The following TTC27 variants were observed in gnomAD, a reference collection of about 807,000 sequenced individuals.
TTC27 encodes tetratricopeptide repeat domain 27.
Under a neutral mutation model 115.9 loss-of-function variants are expected in TTC27, and 79 were observed. That is an observed-to-expected ratio of 0.68 (90% CI 0.57 to 0.82). The LOEUF is 0.82. Among genes scored for constraint, TTC27 ranks in the 40% least tolerant of loss-of-function variants. TTC27 has a pLI of 0.00. For synonymous variants in TTC27, 401 were observed against 356.0 expected (o/e 1.13, Z -1.42); for missense variants, 1,054 against 993.1 (o/e 1.06, Z -0.82).
intron 9 of TTC27, among the ~76,000 whole-genome samples, chr2:32,697,177 G>C (rs1047866055): frequency 7.1e-6 from 1 of 140,662 alleles, no homozygotes; most frequent in Non-Finnish European, 1.6e-5. Context: ...GGGCAATAGA[G>C]TGAGACCCTG....
chr2:32,702,870 C>T lies in TTC27; in HGVS notation c.1183C>T (p.Leu395Phe), dbSNP rs535235861. 2.8e-5 allele frequency: 45 copies of T among 1,614,096 alleles called. No homozygotes were observed. The South Asian group carries it at 4.7e-4, about 17-fold the overall frequency. The change falls in exon 10 of 20, where the codon CTT (leucine) becomes TTT (phenylalanine). Residue 395 changes from leucine to phenylalanine, a missense_variant. By Grantham distance (22) the Leu-to-Phe change is conservative. Transcript: ENST00000317907. ...QTSALILRTK[L>F]EKGSTRRVER... ...ATCAGCCTTGATCCTCCGGACAAAA[C>T]TTGAGAAAGGAAGTACTCGCCGAGT... is the stretch of plus-strand genomic sequence containing the variant.
At chr2:32,674,723 G>A (rs1030884424) in intron 8 of TTC27, among the ~76,000 whole-genome samples, 1 of 150,366 alleles carries the variant, frequency 6.7e-6, no homozygotes, top group Non-Finnish European at 1.5e-5. Context: ...GCAGTGGCGC[G>A]ATCTCGGCTC....
chr2:32,746,907 T>C (rs1668852010), intron 12 of TTC27, among the ~76,000 whole-genome samples: 1 of 152,170 alleles, frequency 6.6e-6, no homozygotes, highest in South Asian at 2.1e-4. Flanking sequence ...AAGATAATTT[T>C]GTTGGCAGAA....
chr2:32,681,015 A>G (rs1225017146), intron 9 of TTC27, among the ~76,000 whole-genome samples: 2 of 152,128 alleles, frequency 1.3e-5, no homozygotes, highest in African/African-American at 2.4e-5. Context: ...AGTGAAGGTC[A>G]TAAATTCAGG....
intron 14 of TTC27, chr2:32,780,090 T>C (rs1256285244): frequency 2.1e-6 from 1 of 466,374 alleles, no homozygotes; most frequent in East Asian, 6.9e-5. Flanking sequence ...TACAGAAACT[T>C]TGTAGTAAGT....
rs1040252386 is a variant in TTC27, at chr2:32,733,832, T to C, written c.1238T>C (p.Leu413Pro). 1.2e-6 allele frequency: 2 copies of C among 1,609,806 alleles called. No homozygotes were observed. Among genetic ancestry groups the C allele is most frequent in the Non-Finnish European group, 1.7e-6 (2 of 1,177,822 alleles). Residue 413 changes from leucine to proline, a missense_variant, in exon 11 of 20, where the codon CTT becomes CCT. By Grantham distance (98) the Leu-to-Pro change is moderately conservative (BLOSUM62 -3). Coordinates refer to ENST00000317907, the MANE Select transcript of TTC27 (RefSeq NM_017735.5). The part of the protein sequence containing the change: ...VERAMRQTQA[L>P]ADQFEDKTTS... ...TTGTGATATATGTCCTTTAAGGCTCTTGCAGACCAATTTGAAGATAAAACT... is the reference window on the plus strand; with the variant it reads ...TTGTGATATATGTCCTTTAAGGCTCCTGCAGACCAATTTGAAGATAAAACT...
chr2:32,755,338 C>T (rs184439340), intron 12 of TTC27, among the ~76,000 whole-genome samples: 280 of 152,260 alleles, frequency 1.8e-3, no homozygotes, highest in African/African-American at 6.5e-3. Context: ...CCCGGCACCT[C>T]GGGAGGCCAA....
At chr2:32,704,984 C>G (rs1213226620) in intron 10 of TTC27, 1 of 465,112 alleles carries the variant, frequency 2.2e-6, no homozygotes, top group Non-Finnish European at 4.5e-6. Flanking sequence ...AATTAATAAA[C>G]ATTTTCAGGA....
chr2:32,726,847 G>T (rs1367914275), intron 10 of TTC27, among the ~76,000 whole-genome samples: 1 of 152,186 alleles, frequency 6.6e-6, no homozygotes. Context: ...TCACGTGGCT[G>T]GGGAGGCCTC....
At chr2:32,762,466 CAGAT>C (rs762856078) in intron 13 of TTC27, among the ~76,000 whole-genome samples, 1 of 152,018 alleles carries the variant, frequency 6.6e-6, no homozygotes, top group Non-Finnish European at 1.5e-5. Flanking sequence ...TTTTATTTGA[CAGAT>C]AGCCATTAAA....
chr2:32,695,546 C>G (rs1007522222), intron 9 of TTC27, among the ~76,000 whole-genome samples: 6 of 151,950 alleles, frequency 3.9e-5, no homozygotes, highest in African/African-American at 1.4e-4. Context: ...TGGTGAAACC[C>G]CATCTCTACT....
chr2:32,745,654 CCTAA>C (rs781301236), intron 12 of TTC27, among the ~76,000 whole-genome samples: 4 of 150,294 alleles, frequency 2.7e-5, no homozygotes, highest in African/African-American at 9.8e-5. Context: ...TTTTTTTTTG[CCTAA>C]CTCAGTATTT....
chr2:32,730,707 C>G (rs955216721), intron 10 of TTC27, among the ~76,000 whole-genome samples: 2 of 151,512 alleles, frequency 1.3e-5, no homozygotes, highest in Non-Finnish European at 2.9e-5. Context: ...CTGCAACCTC[C>G]GCCTCCTGGG....
At chr2:32,780,855 T>G (rs1347029674) in intron 14 of TTC27, among the ~76,000 whole-genome samples, 1 of 151,884 alleles carries the variant, frequency 6.6e-6, no homozygotes, top group East Asian at 1.9e-4. Flanking sequence ...TAGGTGTTTT[T>G]TTTTTTTTTG....
At chr2:32,650,512 C>G (rs938518490) in intron 5 of TTC27, among the ~76,000 whole-genome samples, 2 of 151,758 alleles carry the variant, frequency 1.3e-5, no homozygotes, top group African/African-American at 4.8e-5. Flanking sequence ...ATGATTTTAT[C>G]TCAAATTGTT....
At chr2:32,628,829 C>T (rs2063534632) in intron 1 of TTC27, among the ~76,000 whole-genome samples, 1 of 151,938 alleles carries the variant, frequency 6.6e-6, no homozygotes, top group Non-Finnish European at 1.5e-5. Context: ...GGCGCGATCT[C>T]GGCTCGCTGC....
intron 16 of TTC27, among the ~76,000 whole-genome samples, chr2:32,809,743 G>A (rs1671252565): frequency 6.6e-6 from 1 of 152,174 alleles, no homozygotes; most frequent in Non-Finnish European, 1.5e-5. Flanking sequence ...ATAACCTGGT[G>A]CAGACTGCAG....
chr2:32,733,867 T>A lies in TTC27; in HGVS notation c.1273T>A (p.Leu425Met), dbSNP rs199913687. The A allele has an allele frequency of 9.9e-6, 16 of 1,612,486 alleles. No homozygotes were observed. Among genetic ancestry groups the A allele is most frequent in the Middle Eastern group, 1.7e-4 (1 of 6,048 alleles). ...DQFEDKTTSV[L>M]ERLKIFYCCQ... Reference sequence around the variant, plus strand: ...ATTTGAAGATAAAACTACATCTGTATTGGAACGCCTGAAGATTTTCTATTG... The same window carrying A: ...ATTTGAAGATAAAACTACATCTGTAATGGAACGCCTGAAGATTTTCTATTG... The change falls in exon 11 of 20, where the codon TTG (leucine) becomes ATG (methionine). Residue 425 changes from leucine (L) to methionine (M), a missense_variant. Coordinates refer to ENST00000317907, the MANE Select transcript of TTC27 (RefSeq NM_017735.5).
At position 32,664,405 on chromosome 2, in the gene TTC27, G is replaced by C. The variant is rs1307302998; in HGVS notation, c.743G>C (p.Arg248Thr). 6.2e-7 allele frequency: 1 copy of C among 1,612,244 alleles called. No homozygotes were observed. The highest frequency in any genetic ancestry group is 1.3e-5 in the African/African-American group (1 of 74,848). Residue 248 changes from arginine to threonine, a missense_variant, in exon 6 of 20, where the codon AGA (arginine) becomes ACA (threonine). Arg to Thr is a moderately conservative substitution (Grantham distance 71). Transcript: ENST00000317907. ...GTGTTTTTATATTATTATGAGTACA[G>C]AAAAGCAAAAGATCAGTTGGATATT... ...AYVFLYYYEY[R>T]KAKDQLDIAK...
Sources: allele counts gnomAD v4.1 joint callset (sites outside exome capture counted in the v4.1 genomes callset), GRCh38; gene constraint gnomAD v4.1.1; transcripts MANE v1.5; gene names NCBI Gene and HGNC (gene_info 2026-07-23, HGNC 2026-07-21).